The following GRM8 variants were observed in gnomAD, a reference collection of about 807,000 sequenced individuals.
GRM8 encodes metabotropic glutamate receptor 8.
Under a neutral mutation model 87.2 loss-of-function variants are expected in GRM8, and 47 were observed. That is an observed-to-expected ratio of 0.54 (90% confidence interval 0.43 to 0.69). The LOEUF (loss-of-function observed/expected upper bound fraction) is 0.69. GRM8 is among the 30% of genes least tolerant of loss of function. The probability of loss-of-function intolerance (pLI) is 0.00; values close to 1 mark genes in which losing one functional copy is unlikely to be tolerated. For synonymous variants in GRM8, 396 were observed against 404.5 expected, an observed-to-expected ratio of 0.98 and a Z score of 0.25; for missense variants, 1,019 against 1,139.2, an observed-to-expected ratio of 0.89 and a Z score of 1.52.
At chr7:127,047,255 GCC>G (rs1378080428) in intron 3 of GRM8, among the ~76,000 whole-genome samples, 3 of 152,096 alleles carry the variant, frequency 2.0e-5, no homozygotes, top group Non-Finnish European at 4.4e-5. Context: ...GGCCCACAAA[GCC>G]TAAAATATTG....
intron 9 of GRM8, among the ~76,000 whole-genome samples, chr7:126,488,473 A>C (rs956613568): frequency 2.6e-5 from 4 of 151,990 alleles, no homozygotes; most frequent in African/African-American, 7.2e-5. Context: ...TCTTATACCT[A>C]ACATCCATCC....
At chr7:127,198,948 C>T (rs751248570) in intron 2 of GRM8, among the ~76,000 whole-genome samples, 19 of 151,344 alleles carry the variant, frequency 1.3e-4, no homozygotes, top group Non-Finnish European at 2.4e-4. Flanking sequence ...TCAAGCAATT[C>T]TCCTGCCTCA....
intron 3 of GRM8, among the ~76,000 whole-genome samples, chr7:126,971,780 C>G (rs905506648): frequency 3.9e-5 from 6 of 152,070 alleles, no homozygotes; most frequent in African/African-American, 1.4e-4. Context: ...GCACAGGCAG[C>G]AATAAGATCC....
rs5887297 is a variant in GRM8, at chr7:126,561,881, GTT to G, written c.1495-27996_1495-27995del. Among the ~76,000 whole-genome samples the G allele has an allele frequency of 2.0e-5, 3 of 149,772 alleles. No individual in the cohort carries two copies. The South Asian group carries it at 6.3e-4, about 31-fold the overall frequency. On this transcript the variant is annotated intron_variant, in intron 8 of 10. Coordinates refer to ENST00000339582, the MANE Select transcript of GRM8 (RefSeq NM_000845.3). ...TATGAGTGAGAACATGCGGTGTTTG[GTT>G]TTTTTGTCCTTGCGATAGTTCGCTG...
chr7:127,135,425 T>C (rs921604662), intron 2 of GRM8, among the ~76,000 whole-genome samples: 3 of 152,006 alleles, frequency 2.0e-5, no homozygotes, highest in African/African-American at 7.2e-5. Flanking sequence ...CAATTTAAAA[T>C]ATTTATAATA....
intron 2 of GRM8, among the ~76,000 whole-genome samples, chr7:127,141,874 T>C (rs1406085767): frequency 6.6e-6 from 1 of 152,146 alleles, no homozygotes; most frequent in African/African-American, 2.4e-5. Context: ...TAATTAACCA[T>C]TAGCCTGGGG....
At chr7:127,186,308 T>C (rs1208059499) in intron 2 of GRM8, among the ~76,000 whole-genome samples, 4 of 152,194 alleles carry the variant, frequency 2.6e-5, no homozygotes, top group Admixed American at 6.5e-5. Context: ...CAGGTATTGC[T>C]AGATATTATC....
intron 3 of GRM8, among the ~76,000 whole-genome samples, chr7:126,976,770 C>T (rs957073367): frequency 1.3e-5 from 2 of 152,002 alleles, no homozygotes; most frequent in Non-Finnish European, 2.9e-5. Flanking sequence ...ATAATGACAA[C>T]TTAGAAACAG....
intron 6 of GRM8, among the ~76,000 whole-genome samples, chr7:126,785,839 C>T (rs550965993): frequency 6.6e-6 from 1 of 152,162 alleles, no homozygotes; most frequent in East Asian, 1.9e-4. Context: ...TTTTACCAGA[C>T]ACAAAAATGA....
intron 3 of GRM8, among the ~76,000 whole-genome samples, chr7:126,983,021 C>T (rs1811691153): frequency 6.6e-6 from 1 of 152,162 alleles, no homozygotes; most frequent in South Asian, 2.1e-4. Context: ...AGACTGATTT[C>T]GTCTTGATAG....
intron 2 of GRM8, among the ~76,000 whole-genome samples, chr7:127,123,890 C>T (rs1384143459): frequency 6.6e-6 from 1 of 151,312 alleles, no homozygotes; most frequent in Non-Finnish European, 1.5e-5. Flanking sequence ...CTTTCCCTTT[C>T]CCTTTCCTTT....
At chr7:126,523,742 C>A (rs1354540574) in intron 9 of GRM8, among the ~76,000 whole-genome samples, 2 of 152,036 alleles carry the variant, frequency 1.3e-5, no homozygotes, top group Non-Finnish European at 2.9e-5. Flanking sequence ...AGCGATCTGC[C>A]CACCTCGACC....
chr7:126,771,870 C>G (rs1397612722), intron 6 of GRM8, among the ~76,000 whole-genome samples: 1 of 152,040 alleles, frequency 6.6e-6, no homozygotes, highest in African/African-American at 2.4e-5. Context: ...TATATTGTCT[C>G]CTTCAACCTA....
chr7:126,925,078 A>G (rs1405795718), intron 3 of GRM8, among the ~76,000 whole-genome samples: 11 of 152,206 alleles, frequency 7.2e-5, no homozygotes, highest in Non-Finnish European at 1.3e-4. Context: ...ACCTCAAAAC[A>G]GGAACTTTTT....
chr7:126,687,345 A>C (rs1008907), intron 7 of GRM8, among the ~76,000 whole-genome samples: 103,846 of 152,074 alleles, frequency 0.68, 36,490 homozygotes, highest in African/African-American at 0.86. Context: ...AAATCACTTT[A>C]TCTCCACTTG....
chr7:126,760,576 C>T (rs1165146624), intron 7 of GRM8, among the ~76,000 whole-genome samples: 1 of 152,064 alleles, frequency 6.6e-6, no homozygotes, highest in African/African-American at 2.4e-5. Flanking sequence ...AAAAAAATTA[C>T]TTGTGAATTG....
At chr7:126,493,631 C>T (rs1397162901) in intron 9 of GRM8, among the ~76,000 whole-genome samples, 1 of 152,002 alleles carries the variant, frequency 6.6e-6, no homozygotes, top group Non-Finnish European at 1.5e-5. Context: ...AACGCAGCCT[C>T]CCTAAGTAGA....
chr7:126,902,207 C>G (rs940912756), intron 6 of GRM8, among the ~76,000 whole-genome samples: 2 of 151,976 alleles, frequency 1.3e-5, no homozygotes, highest in Non-Finnish European at 2.9e-5. Flanking sequence ...CATTTTGAAC[C>G]CCTGGAGAGC....
chr7:126,952,022 AAAAGAAAG>A (rs60996892), intron 3 of GRM8, among the ~76,000 whole-genome samples: 3 of 150,336 alleles, frequency 2.0e-5, no homozygotes, highest in East Asian at 4.0e-4. Context: ...TGATTTAAAA[AAAAGAAAG>A]AAAGAAAGAA....
Sources: allele counts gnomAD v4.1 joint callset (sites outside exome capture counted in the v4.1 genomes callset), GRCh38; gene constraint gnomAD v4.1.1; transcripts MANE v1.5; gene names NCBI Gene and HGNC (gene_info 2026-07-23, HGNC 2026-07-21).